The following CNTN5 variants were observed in gnomAD, a reference collection of about 807,000 sequenced individuals.
CNTN5 encodes contactin-5.
A neutral mutation model predicts 129.1 loss-of-function variants in CNTN5; 77 were observed. The observed-to-expected ratio is 0.60, with a 90% confidence interval of 0.50 to 0.72. The LOEUF (loss-of-function observed/expected upper bound fraction) is 0.72. Among genes scored for constraint, CNTN5 ranks in the 30% least tolerant of loss-of-function variants. The pLI, the probability that CNTN5 is intolerant of heterozygous loss-of-function variation, is 0.00. For missense variants in CNTN5, 1,478 were observed against 1,328.8 expected (o/e 1.11, Z -1.75); for synonymous variants, 509 against 465.6 (o/e 1.09, Z -1.20).
At chr11:99,897,668 G>C (rs978046128) in intron 6 of CNTN5, among the ~76,000 whole-genome samples, 2 of 152,120 alleles carry the variant, frequency 1.3e-5, no homozygotes, top group African/African-American at 4.8e-5. Context: ...GAAACTAAAG[G>C]ATGATACTTG....
At chr11:99,107,938 T>TAAAAAA (rs55786739) in intron 1 of CNTN5, among the ~76,000 whole-genome samples, 3 of 103,522 alleles carry the variant, frequency 2.9e-5, no homozygotes, top group Admixed American at 1.0e-4. Flanking sequence ...CTCAAAAAAG[T>TAAAAAA]AAAAAAAAAA....
intron 1 of CNTN5, among the ~76,000 whole-genome samples, chr11:99,207,840 T>C (rs1859560812): frequency 2.6e-5 from 4 of 152,170 alleles, no homozygotes; most frequent in African/African-American, 9.7e-5. Context: ...AAAGTATATA[T>C]AAAATGAAAT....
At chr11:99,691,619 T>C (rs1047065312) in intron 3 of CNTN5, among the ~76,000 whole-genome samples, 4 of 152,162 alleles carry the variant, frequency 2.6e-5, no homozygotes, top group Non-Finnish European at 4.4e-5. Flanking sequence ...AGCAACTGTT[T>C]GTTATGATTT....
At chr11:100,083,331 A>AG (rs1341385554) in intron 13 of CNTN5, among the ~76,000 whole-genome samples, 24 of 151,452 alleles carry the variant, frequency 1.6e-4, no homozygotes, top group Admixed American at 4.6e-4. Context: ...AAAAAAAAAA[A>AG]AGAGAGATGG....
At chr11:99,824,861 T>C (rs1946905071) in intron 4 of CNTN5, among the ~76,000 whole-genome samples, 1 of 152,060 alleles carries the variant, frequency 6.6e-6, no homozygotes, top group South Asian at 2.1e-4. Flanking sequence ...ATGTTAAAAA[T>C]ATACTTTAAA....
intron 8 of CNTN5, among the ~76,000 whole-genome samples, chr11:99,981,523 A>G (rs1265156052): frequency 6.6e-6 from 1 of 152,174 alleles, no homozygotes; most frequent in Non-Finnish European, 1.5e-5. Flanking sequence ...TTCACATGCT[A>G]GTTTCATCTG....
chr11:99,425,560 G>C (rs1252661315), intron 2 of CNTN5, among the ~76,000 whole-genome samples: 1 of 152,216 alleles, frequency 6.6e-6, no homozygotes, highest in Non-Finnish European at 1.5e-5. Flanking sequence ...CCCCAAATGT[G>C]TGCACACTCC....
intron 1 of CNTN5, among the ~76,000 whole-genome samples, chr11:99,023,014 A>C (rs375020799): frequency 6.6e-6 from 1 of 152,230 alleles, no homozygotes; most frequent in African/African-American, 2.4e-5. Flanking sequence ...GACTTTGTCT[A>C]TAAGTTGTGA....
intron 6 of CNTN5, among the ~76,000 whole-genome samples, chr11:99,882,754 A>T (rs972229950): frequency 3.3e-5 from 5 of 152,172 alleles, no homozygotes; most frequent in African/African-American, 1.2e-4. Context: ...GTGCAATTCA[A>T]TTATTATTCG....
intron 10 of CNTN5, among the ~76,000 whole-genome samples, chr11:100,062,886 T>C (rs1276105988): frequency 4.6e-5 from 7 of 152,190 alleles, no homozygotes; most frequent in Non-Finnish European, 7.3e-5. Context: ...TTTTTTTCTG[T>C]ACCCCAGTGG....
chr11:99,156,928 G>A (rs1860363144), intron 1 of CNTN5, among the ~76,000 whole-genome samples: 1 of 151,830 alleles, frequency 6.6e-6, no homozygotes, highest in Non-Finnish European at 1.5e-5. Flanking sequence ...GAGTATAACT[G>A]AGAGTGTTTG....
At chr11:99,474,327 G>A (rs961272157) in intron 2 of CNTN5, among the ~76,000 whole-genome samples, 1 of 151,882 alleles carries the variant, frequency 6.6e-6, no homozygotes, top group African/African-American at 2.4e-5. Flanking sequence ...CCCATCCTCT[G>A]CGTCTTCTTC....
intron 17 of CNTN5, among the ~76,000 whole-genome samples, chr11:100,266,147 T>G (rs1478318938): frequency 1.3e-5 from 2 of 152,076 alleles, no homozygotes; most frequent in Non-Finnish European, 2.9e-5. Context: ...TCTCAGCACT[T>G]TGGGACATCC....
At chr11:99,887,727 T>C (rs1948936581) in intron 6 of CNTN5, among the ~76,000 whole-genome samples, 2 of 152,204 alleles carry the variant, frequency 1.3e-5, no homozygotes, top group African/African-American at 2.4e-5. Context: ...GCTGAAGAAC[T>C]TGGAGTCTGA....
intron 18 of CNTN5, among the ~76,000 whole-genome samples, chr11:100,282,630 C>G (rs1326712821): frequency 1.3e-5 from 2 of 152,234 alleles, no homozygotes; most frequent in Non-Finnish European, 2.9e-5. Context: ...CTACAATTAG[C>G]ATGTGGCAAA....
rs1436350804 is a variant in CNTN5, at chr11:99,556,134, A to G, written c.-70-11A>G. The stretch of plus-strand genomic sequence containing the variant: ...CCTCTGTTTAAGAAAATTGTTATCT[A>G]TCTCAAACAGGGCACTCTTTAATGA... On this transcript the variant is annotated splice_polypyrimidine_tract_variant and intron_variant, in intron 2 of 24. Coordinates refer to ENST00000524871, the MANE Select transcript of CNTN5 (RefSeq NM_014361.4). 6 of 740,948 alleles carry G rather than the reference A, an allele frequency of 8.1e-6. No homozygotes were observed. The highest frequency in any genetic ancestry group is 2.5e-5 in the South Asian group (1 of 40,724). The allele number at this position is 740,948 out of a possible 1,614,324, so 45.9% of individuals were successfully genotyped here.
intron 9 of CNTN5, among the ~76,000 whole-genome samples, chr11:100,052,130 A>G (rs1024671503): frequency 3.9e-5 from 6 of 151,912 alleles, no homozygotes; most frequent in Non-Finnish European, 8.8e-5. Flanking sequence ...AAAGAAAATA[A>G]TCTTACATCA....
intron 9 of CNTN5, among the ~76,000 whole-genome samples, chr11:100,018,110 C>A (rs1179434864): frequency 1.3e-5 from 2 of 151,898 alleles, no homozygotes; most frequent in Admixed American, 1.3e-4. Context: ...AACTGTACTG[C>A]TAAAGTATTT....
At chr11:100,271,061 T>A in intron 17 of CNTN5, 31 bp from the exon 18 acceptor site, 7 of 1,559,976 alleles carry the variant, frequency 4.5e-6, no homozygotes, top group Non-Finnish European at 6.1e-6. Flanking sequence ...CTAGTCCTCA[T>A]AATGACATGA....
Sources: gnomAD v4.1 joint callset for allele counts (sites outside exome capture counted in the v4.1 genomes callset) on GRCh38, gnomAD v4.1.1 for gene constraint, MANE v1.5 for transcripts, NCBI Gene and HGNC (gene_info 2026-07-23, HGNC 2026-07-21) for gene names.